Variants in TENM4 observed in about 807,000 individuals in gnomAD.
TENM4 encodes teneurin-4.
A neutral mutation model predicts 243.3 loss-of-function variants in TENM4; 82 were observed. The ratio of observed to expected loss-of-function variants is 0.34; its 90% CI spans 0.28 to 0.40. The LOEUF is 0.40. TENM4 is among the 10% of genes least tolerant of loss of function. The pLI, the probability that TENM4 is intolerant of heterozygous loss-of-function variation, is 1.00. For synonymous variants in TENM4, 1,412 were observed against 1,456.3 expected (o/e 0.97, Z 0.69); for missense variants, 3,138 against 3,673.3 (o/e 0.85, Z 3.77).
At chr11:79,215,722 A>T (rs766503582) in intron 3 of TENM4, 86 bp downstream of exon 3, 41 of 976,884 alleles carry the variant, frequency 4.2e-5, no homozygotes, top group Non-Finnish European at 4.9e-5. Context: ...AAACATGCAA[A>T]TGTTCAGAGT....
intron 6 of TENM4, among the ~76,000 whole-genome samples, chr11:79,029,945 T>TAA (rs1859183514): frequency 6.6e-6 from 1 of 152,176 alleles, no homozygotes; most frequent in East Asian, 1.9e-4. Context: ...TAACAGCTGT[T>TAA]AAACAGCTGC....
chr11:79,197,327 T>A (rs1169309149), intron 3 of TENM4, among the ~76,000 whole-genome samples: 1 of 148,002 alleles, frequency 6.8e-6, no homozygotes, highest in Non-Finnish European at 1.5e-5. Flanking sequence ...GGCTGCTCAT[T>A]AGAATCACCT....
chr11:79,298,521 CAAAAAAAAAA>C (rs61373828), intron 1 of TENM4, among the ~76,000 whole-genome samples: 1 of 17,256 alleles, frequency 5.8e-5, no homozygotes. Context: ...GACTCCGTCT[CAAAAAAAAAA>C]AAAAAAAAAA....
intron 1 of TENM4, among the ~76,000 whole-genome samples, chr11:79,388,603 C>T (rs1858165436): frequency 6.6e-6 from 1 of 152,158 alleles, no homozygotes. Flanking sequence ...AGGAGTTCCT[C>T]CCAGGCTACT....
intron 5 of TENM4, among the ~76,000 whole-genome samples, chr11:79,065,372 G>C (rs1490700376): frequency 6.6e-6 from 1 of 152,180 alleles, no homozygotes; most frequent in Admixed American, 6.5e-5. Context: ...CCCTCTGCTG[G>C]AGGTGACCTC....
chr11:79,209,710 C>T (rs1053931065), intron 3 of TENM4, among the ~76,000 whole-genome samples: 1 of 152,180 alleles, frequency 6.6e-6, no homozygotes, highest in African/African-American at 2.4e-5. Flanking sequence ...TTACCAGTGG[C>T]CACTGCAGCA....
intron 6 of TENM4, among the ~76,000 whole-genome samples, chr11:78,978,851 A>G (rs1321783126): frequency 6.6e-6 from 1 of 152,134 alleles, no homozygotes; most frequent in Non-Finnish European, 1.5e-5. Flanking sequence ...TGCTGCTAAC[A>G]AAACAGGGTT....
intron 6 of TENM4, among the ~76,000 whole-genome samples, chr11:79,056,081 C>A (rs1859936020): frequency 6.6e-6 from 1 of 152,180 alleles, no homozygotes; most frequent in South Asian, 2.1e-4. Context: ...GAAGTTCAAG[C>A]AGCCTCAGAA....
intron 6 of TENM4, chr11:78,903,897 TTG>T (rs940660401): frequency 1.9e-6 from 1 of 516,826 alleles, no homozygotes; most frequent in Non-Finnish European, 3.7e-6. Context: ...GTCTGGGAAC[TTG>T]TTAGAGATGA....
rs112463714 is a variant in TENM4 at position 79,127,715 on chromosome 11, C to T, written c.-66+20995G>A. ...ATTACATTGATGACCTTATGCTGATCGGATCCAGTGGGCAAGAAGTAGGAA... is the reference window on the plus strand; with the variant it reads ...ATTACATTGATGACCTTATGCTGATTGGATCCAGTGGGCAAGAAGTAGGAA... On this transcript the variant is annotated intron_variant, in intron 4 of 33. Transcript: ENST00000278550. Among the ~76,000 whole-genome samples the T allele has an allele frequency of 6.1e-4, 93 of 152,300 alleles. 1 individual carries two copies. The highest frequency in any genetic ancestry group is 2.2e-3 in the African/African-American group (90 of 41,574).
At chr11:79,224,003 A>T (rs781010861) in intron 2 of TENM4, among the ~76,000 whole-genome samples, 3 of 152,184 alleles carry the variant, frequency 2.0e-5, no homozygotes, top group Non-Finnish European at 4.4e-5. Context: ...TTAACTGCCA[A>T]TACAAGACCC....
intron 4 of TENM4, among the ~76,000 whole-genome samples, chr11:79,139,194 T>C (rs1179488536): frequency 1.1e-4 from 7 of 62,678 alleles, no homozygotes; most frequent in African/African-American, 5.9e-4. Context: ...ATATATATTA[T>C]ATTTCTATAA....
At chr11:78,984,424 T>C (rs539345930) in intron 6 of TENM4, among the ~76,000 whole-genome samples, 2 of 152,200 alleles carry the variant, frequency 1.3e-5, no homozygotes, top group South Asian at 4.1e-4. Flanking sequence ...TGAGTGTGGA[T>C]TGCATTCGCC....
chr11:79,127,450 T>C (rs1250990447), intron 4 of TENM4, among the ~76,000 whole-genome samples: 1 of 136,332 alleles, frequency 7.3e-6, no homozygotes, highest in Admixed American at 7.1e-5. Flanking sequence ...GTGGTTTTGT[T>C]GCTTGAGTAA....
At position 79,284,592 on chromosome 11, in the gene TENM4, A is replaced by G. The variant is rs1856215548; in HGVS notation, c.-265+12896T>C. Among the ~76,000 whole-genome samples, 6 of 152,326 alleles carry G rather than the reference A, an allele frequency of 3.9e-5. No individual in the cohort carries two copies. The South Asian group carries it at 1.2e-3, about 32-fold the overall frequency. The stretch of plus-strand genomic sequence containing the variant: ...TCCATGTGTAAATCTAAAAATATAA[A>G]ACTCTTAAGAGAAAACAGGAATAAA... On this transcript the variant is annotated intron_variant, in intron 2 of 33. Coordinates refer to ENST00000278550, the MANE Select transcript of TENM4 (RefSeq NM_001098816.3).
intron 6 of TENM4, among the ~76,000 whole-genome samples, chr11:78,995,486 A>G (rs1591191729): frequency 1.3e-5 from 2 of 152,192 alleles, no homozygotes; most frequent in South Asian, 4.1e-4. Flanking sequence ...TCTACCAGGA[A>G]TTTGAAGGAC....
intron 4 of TENM4, among the ~76,000 whole-genome samples, chr11:79,079,786 C>T (rs1018948997): frequency 1.4e-5 from 2 of 145,332 alleles, no homozygotes; most frequent in African/African-American, 2.6e-5. Context: ...GAGCTGACAT[C>T]GAGCCGCTGC....
chr11:79,068,228 G>T (rs1860315654), intron 5 of TENM4: 1 of 152,216 alleles, frequency 6.6e-6, no homozygotes, highest in Non-Finnish European at 1.5e-5. Flanking sequence ...GCCAGGTACT[G>T]GTGTCAAGTG....
intron 19 of TENM4, among the ~76,000 whole-genome samples, chr11:78,741,400 A>G (rs1855927120): frequency 1.3e-5 from 2 of 152,178 alleles, no homozygotes; most frequent in South Asian, 4.1e-4. Context: ...GCTGTTTTCA[A>G]GCTACCAATG....
Sources: gnomAD v4.1 joint callset for allele counts (sites outside exome capture counted in the v4.1 genomes callset) on GRCh38, gnomAD v4.1.1 for gene constraint, MANE v1.5 for transcripts, NCBI Gene and HGNC (gene_info 2026-07-23, HGNC 2026-07-21) for gene names.